AMOTL1: variants seen among roughly 807,000 people sequenced by gnomAD.
AMOTL1 encodes angiomotin-like protein 1.
Under a neutral mutation model 102.9 loss-of-function variants are expected in AMOTL1, and 45 were observed. The observed-to-expected ratio is 0.44, with a 90% CI of 0.34 to 0.56. The LOEUF (loss-of-function observed/expected upper bound fraction) is 0.56. Among genes scored for constraint, AMOTL1 ranks in the 20% least tolerant of loss-of-function variants. AMOTL1 has a pLI of 0.01. For missense variants in AMOTL1, 1,114 were observed against 1,225.6 expected (o/e 0.91, Z 1.36); for synonymous variants, 481 against 484.7 (o/e 0.99, Z 0.10).
At chr11:94,865,353 T>C (rs920203432) in intron 10 of AMOTL1, among the ~76,000 whole-genome samples, 11 of 152,310 alleles carry the variant, frequency 7.2e-5, no homozygotes, top group African/African-American at 2.6e-4. Context: ...CTTCACTACC[T>C]AAGGGCTTGT....
intron 3 of AMOTL1, among the ~76,000 whole-genome samples, chr11:94,805,822 G>A (rs1196170807): frequency 1.3e-5 from 2 of 152,132 alleles, no homozygotes; most frequent in African/African-American, 4.8e-5. Flanking sequence ...CCCATCCTAG[G>A]TTGATGAAAA....
intron 1 of AMOTL1, among the ~76,000 whole-genome samples, chr11:94,722,229 C>T (rs1950185490): frequency 6.6e-6 from 1 of 152,076 alleles, no homozygotes; most frequent in Non-Finnish European, 1.5e-5. Flanking sequence ...CAATCTCACC[C>T]ATTTTTTACA....
rs1281947604 is a variant in AMOTL1, at chr11:94,815,815, A to AT, written c.1122-5708dup. Among the ~76,000 whole-genome samples, 5 of 152,212 alleles carry AT rather than the reference A, an allele frequency of 3.3e-5. No individual in the cohort carries two copies. In the East Asian group the frequency reaches 9.6e-4, roughly 29 times the overall value. ...TATGAGAAAGAATCTTGTATGGTAA[A>AT]TTTTTTTCCTAGAATAAAATGACTG... On this transcript the variant is annotated intron_variant, in intron 3 of 12. Coordinates refer to ENST00000433060, the MANE Select transcript of AMOTL1 (RefSeq NM_130847.3).
chr11:94,813,467 C>G (rs568193505), intron 3 of AMOTL1, among the ~76,000 whole-genome samples: 1 of 152,160 alleles, frequency 6.6e-6, no homozygotes, highest in Non-Finnish European at 1.5e-5. Context: ...AACTGGAGAG[C>G]TCAGTGCAAT....
intron 1 of AMOTL1, among the ~76,000 whole-genome samples, chr11:94,789,687 C>T (rs751384228): frequency 3.9e-5 from 6 of 152,072 alleles, no homozygotes; most frequent in South Asian, 4.2e-4. Flanking sequence ...GCGGAGTATT[C>T]GGCTCCCTAG....
chr11:94,830,321 T>C, intron 5 of AMOTL1, 127 bp downstream of exon 5: 4 of 881,482 alleles, frequency 4.5e-6, no homozygotes, highest in Non-Finnish European at 6.5e-6. Context: ...ATCTTGTGTA[T>C]TTCAATGATC....
chr11:94,853,125 A>G (rs1353867353), intron 7 of AMOTL1, among the ~76,000 whole-genome samples: 2 of 144,816 alleles, frequency 1.4e-5, no homozygotes, highest in Admixed American at 6.9e-5. Flanking sequence ...TTTTAATTCT[A>G]TCTATTTTAT....
chr11:94,771,799 G>C (rs1950956817), intron 1 of AMOTL1, among the ~76,000 whole-genome samples: 1 of 152,128 alleles, frequency 6.6e-6, no homozygotes, highest in Non-Finnish European at 1.5e-5. Context: ...TCCTAAAGGG[G>C]CTCACACATC....
chr11:94,833,684 C>A (rs1225682887), intron 6 of AMOTL1, among the ~76,000 whole-genome samples: 1 of 152,136 alleles, frequency 6.6e-6, no homozygotes, highest in Non-Finnish European at 1.5e-5. Flanking sequence ...AGGAGAAATT[C>A]ATGAGGGACT....
chr11:94,842,015 A>G (rs532263029), intron 6 of AMOTL1, among the ~76,000 whole-genome samples: 1 of 152,326 alleles, frequency 6.6e-6, no homozygotes, highest in African/African-American at 2.4e-5. Context: ...ATAAAATAAC[A>G]AAAATATTAT....
intron 1 of AMOTL1, among the ~76,000 whole-genome samples, chr11:94,770,721 C>G (rs1950936847): frequency 6.6e-6 from 1 of 152,122 alleles, no homozygotes; most frequent in African/African-American, 2.4e-5. Flanking sequence ...AAAAATACAT[C>G]TTTTCACGGA....
At chr11:94,708,737 G>T (rs59977409) in intron 1 of AMOTL1, among the ~76,000 whole-genome samples, 5,091 of 152,114 alleles carry the variant, frequency 0.033, 122 homozygotes, top group East Asian at 0.1. Context: ...AAATACATGC[G>T]AACTCTCTTA....
At chr11:94,719,284 AT>A (rs745410081) in intron 1 of AMOTL1, among the ~76,000 whole-genome samples, 1 of 152,026 alleles carries the variant, frequency 6.6e-6, no homozygotes, top group Non-Finnish European at 1.5e-5. Context: ...TTGTTTTATT[AT>A]TTGGAAAAAG....
At chr11:94,771,465 A>G (rs977321356) in intron 1 of AMOTL1, among the ~76,000 whole-genome samples, 2 of 152,154 alleles carry the variant, frequency 1.3e-5, no homozygotes, top group African/African-American at 4.8e-5. Flanking sequence ...TTTGATTACA[A>G]GGTTTGTTGG....
At chr11:94,848,362 C>T (rs923784845) in intron 6 of AMOTL1, among the ~76,000 whole-genome samples, 1 of 152,050 alleles carries the variant, frequency 6.6e-6, no homozygotes, top group African/African-American at 2.4e-5. Context: ...GCATAAAGAG[C>T]CCAGAAGTAG....
chr11:94,788,873 C>T (rs1305649663), intron 1 of AMOTL1, among the ~76,000 whole-genome samples: 3 of 152,228 alleles, frequency 2.0e-5, no homozygotes, highest in Non-Finnish European at 4.4e-5. Context: ...ATTCAACACA[C>T]ATTCCACTTT....
intron 9 of AMOTL1, among the ~76,000 whole-genome samples, chr11:94,860,139 A>C (rs1372897328): frequency 6.6e-6 from 1 of 152,228 alleles, no homozygotes; most frequent in Non-Finnish European, 1.5e-5. Context: ...TATTTAAGGC[A>C]CTTTTTAATG....
chr11:94,847,140 G>A (rs2135702856), intron 6 of AMOTL1, among the ~76,000 whole-genome samples: 1 of 152,296 alleles, frequency 6.6e-6, no homozygotes, highest in Middle Eastern at 3.4e-3. Flanking sequence ...AAACACCCCA[G>A]AAACGAATGT....
At chr11:94,824,807 T>G (rs1951933966) in intron 4 of AMOTL1, among the ~76,000 whole-genome samples, 1 of 152,234 alleles carries the variant, frequency 6.6e-6, no homozygotes, top group African/African-American at 2.4e-5. Flanking sequence ...TCATTCCATC[T>G]GAGTTCCTCG....
Sources: gnomAD v4.1 joint callset for allele counts (sites outside exome capture counted in the v4.1 genomes callset) on GRCh38, gnomAD v4.1.1 for gene constraint, MANE v1.5 for transcripts, NCBI Gene and HGNC (gene_info 2026-07-23, HGNC 2026-07-21) for gene names.